OCLN: variants seen among roughly 807,000 people sequenced by gnomAD.
The protein encoded by OCLN is occludin.
In OCLN, 21 loss-of-function variants were observed where a neutral mutation model predicts 47.9. That is an observed-to-expected ratio of 0.44 (90% CI 0.31 to 0.63). The LOEUF is 0.63. OCLN is among the 30% of genes least tolerant of loss of function. The pLI is 0.08. For missense variants in OCLN, 360 were observed against 571.0 expected, an observed-to-expected ratio of 0.63 and a Z score of 3.77; for synonymous variants, 117 against 198.4, an observed-to-expected ratio of 0.59 and a Z score of 3.45.
intron 4 of OCLN, among the ~76,000 whole-genome samples, chr5:69,532,146 CTTTT>C (rs1218938233): frequency 1.3e-5 from 2 of 149,050 alleles, no homozygotes; most frequent in Non-Finnish European, 3.0e-5. Context: ...TTTTTTTTTT[CTTTT>C]TTTCTTTTTC....
chr5:69,517,795 T>G (rs1769018921), intron 4 of OCLN, among the ~76,000 whole-genome samples: 1 of 152,084 alleles, frequency 6.6e-6, no homozygotes, highest in Non-Finnish European at 1.5e-5. Context: ...CCCTGTTTTT[T>G]TTTTCCCTCA....
chr5:69,495,326 T>TG (rs1343016685), intron 1 of OCLN, among the ~76,000 whole-genome samples: 6 of 152,206 alleles, frequency 3.9e-5, no homozygotes, highest in Non-Finnish European at 8.8e-5. Context: ...GGCTGTGGTA[T>TG]GAATCACTTA....
chr5:69,547,581 AAAAAG>A, intron 6 of OCLN, among the ~76,000 whole-genome samples: 1 of 140,492 alleles, frequency 7.1e-6, no homozygotes, highest in Non-Finnish European at 1.5e-5. Context: ...AAAAAAAAAA[AAAAAG>A]AAAAGAAAAA....
At chr5:69,505,960 G>T (rs1380121664) in intron 2 of OCLN, among the ~76,000 whole-genome samples, 1 of 152,138 alleles carries the variant, frequency 6.6e-6, no homozygotes, top group East Asian at 1.9e-4. Context: ...CAGATCACAG[G>T]TTCAGGGCTC....
rs1297143989 is a variant in OCLN, at chr5:69,493,691, A to G, written c.-69+791A>G. ...CGAACGTGGGCGCGCGCTGCCTGGG[A>G]GCGCCTCGGTGCGCACGGAAGCCGG... On this transcript the variant is annotated intron_variant, in intron 1 of 8. Coordinates refer to ENST00000396442, the MANE Select transcript of OCLN (RefSeq NM_001205254.2). The surrounding 1 kb of genome is among the most constrained non-coding windows in gnomAD (Gnocchi z 5.3). 1.3e-5 allele frequency among the ~76,000 whole-genome samples: 2 copies of G among 151,858 alleles called. No homozygotes were observed. Among genetic ancestry groups the G allele is most frequent in the African/African-American group, 4.8e-5 (2 of 41,322 alleles).
chr5:69,496,320 G>A (rs531537108), intron 1 of OCLN, among the ~76,000 whole-genome samples: 4 of 151,768 alleles, frequency 2.6e-5, no homozygotes, highest in East Asian at 1.9e-4. Flanking sequence ...GGATGGTCTC[G>A]ATCTCCTGAC....
At chr5:69,507,676 G>T (rs1197224502) in intron 2 of OCLN, among the ~76,000 whole-genome samples, 1 of 151,716 alleles carries the variant, frequency 6.6e-6, no homozygotes, top group African/African-American at 2.4e-5. Context: ...CACGGTCTCG[G>T]CTTACTGCAA....
intron 4 of OCLN, among the ~76,000 whole-genome samples, chr5:69,531,063 TG>T (rs1321332912): frequency 6.6e-6 from 1 of 152,240 alleles, no homozygotes; most frequent in Non-Finnish European, 1.5e-5. Flanking sequence ...TCCTCATTTC[TG>T]GAAAAGGAAC....
At chr5:69,524,032 C>T (rs927661797) in intron 4 of OCLN, among the ~76,000 whole-genome samples, 1 of 151,996 alleles carries the variant, frequency 6.6e-6, no homozygotes, top group African/African-American at 2.4e-5. Flanking sequence ...GCCTGTAGTC[C>T]CAGCTACTCT....
chr5:69,510,164 C>T (rs2111977839), intron 3 of OCLN, among the ~76,000 whole-genome samples: 2 of 152,268 alleles, frequency 1.3e-5, no homozygotes, highest in South Asian at 4.2e-4. Context: ...ACCACTAATC[C>T]TACATCTATA....
At chr5:69,505,565 C>T (rs1768576304) in intron 2 of OCLN, among the ~76,000 whole-genome samples, 1 of 152,192 alleles carries the variant, frequency 6.6e-6, no homozygotes, top group African/African-American at 2.4e-5. Flanking sequence ...GCTTCTTTCA[C>T]TTAGCATAAT....
intron 6 of OCLN, among the ~76,000 whole-genome samples, chr5:69,547,703 A>C (rs1769745648): frequency 7.0e-6 from 1 of 142,582 alleles, no homozygotes; most frequent in South Asian, 2.2e-4. Context: ...TTATTTCTGC[A>C]AATTACGTAG....
intron 4 of OCLN, among the ~76,000 whole-genome samples, chr5:69,521,591 G>A (rs1769139383): frequency 6.6e-6 from 1 of 152,060 alleles, no homozygotes; most frequent in Non-Finnish European, 1.5e-5. Flanking sequence ...CTATGGTTGT[G>A]TCACTGTACT....
intron 4 of OCLN, among the ~76,000 whole-genome samples, chr5:69,515,122 C>T (rs1424342703): frequency 6.6e-6 from 1 of 151,554 alleles, no homozygotes; most frequent in African/African-American, 2.4e-5. Context: ...CGCCCCTCAC[C>T]TCCTGGACCG....
intron 4 of OCLN, among the ~76,000 whole-genome samples, chr5:69,517,525 C>T (rs1769009566): frequency 6.6e-6 from 1 of 151,854 alleles, no homozygotes; most frequent in African/African-American, 2.4e-5. Flanking sequence ...GTTGGCCAGG[C>T]TGGTCTCGAA....
intron 1 of OCLN, among the ~76,000 whole-genome samples, chr5:69,497,187 T>G (rs1768316560): frequency 6.6e-6 from 1 of 151,820 alleles, no homozygotes; most frequent in South Asian, 2.1e-4. Context: ...GGGGTCAGGG[T>G]GAGGGAGAGG....
At position 69,509,702 on chromosome 5, in the gene OCLN, T is replaced by A; in HGVS notation, c.612T>A (p.Ser204=). The change falls in exon 3 of 9, where the codon TCT becomes TCA. Residue 204 remains serine, a synonymous_variant. Transcript: ENST00000396442. The part of the protein sequence containing the change: ...IMGVNPTAQS[S]GSLYGSQIYA... ...GAGTGAACCCAACTGCTCAGTCTTCTGGATCTCTATATGGTTCACAAATAT... is the reference window on the plus strand; with the variant it reads ...GAGTGAACCCAACTGCTCAGTCTTCAGGATCTCTATATGGTTCACAAATAT... 6.2e-7 allele frequency: 1 copy of A among 1,614,208 alleles called. No individual in the cohort carries two copies.
intron 2 of OCLN, among the ~76,000 whole-genome samples, chr5:69,507,825 C>T (rs1237538195): frequency 2.6e-5 from 4 of 152,224 alleles, no homozygotes; most frequent in African/African-American, 7.2e-5. Flanking sequence ...AGGCCGGTCT[C>T]GAACTCCTGA....
At chr5:69,516,131 G>T (rs1358725025) in intron 4 of OCLN, among the ~76,000 whole-genome samples, 96 of 152,006 alleles carry the variant, frequency 6.3e-4, no homozygotes, top group Middle Eastern at 3.4e-3. Flanking sequence ...GGCACTTTGG[G>T]AGGCCAAGGC....
Sources: gnomAD v4.1 joint callset for allele counts (sites outside exome capture counted in the v4.1 genomes callset) on GRCh38, gnomAD v4.1.1 for gene constraint, Gnocchi (gnomAD v3.1) non-coding constraint, MANE v1.5 for transcripts, NCBI Gene and HGNC (gene_info 2026-07-23, HGNC 2026-07-21) for gene names.